The following HS6ST3 variants were observed in gnomAD, a reference collection of about 807,000 sequenced individuals.
HS6ST3 encodes heparan-sulfate 6-O-sulfotransferase 3.
In HS6ST3, 12 loss-of-function variants were observed where a neutral mutation model predicts 36.7. That is an observed-to-expected ratio of 0.33 (90% CI 0.21 to 0.53). The LOEUF (loss-of-function observed/expected upper bound fraction) is 0.53, where lower values mean the gene tolerates loss of function less well. HS6ST3 is among the 20% of genes least tolerant of loss of function. The pLI is 0.95. For missense variants in HS6ST3, 584 were observed against 640.9 expected (o/e 0.91, Z 0.96); for synonymous variants, 240 against 257.5 (o/e 0.93, Z 0.65).
intron 1 of HS6ST3, among the ~76,000 whole-genome samples, chr13:96,811,005 C>A (rs1301855612): frequency 1.3e-5 from 2 of 151,966 alleles, no homozygotes; most frequent in Admixed American, 1.3e-4. Context: ...CTCTAGAGAT[C>A]CCCCCTCCCC....
chr13:96,461,398 C>G (rs1398147903), intron 1 of HS6ST3, among the ~76,000 whole-genome samples: 1 of 152,046 alleles, frequency 6.6e-6, no homozygotes, highest in Non-Finnish European at 1.5e-5. Flanking sequence ...AATAATATTA[C>G]CTGAGCCTCT....
intron 1 of HS6ST3, among the ~76,000 whole-genome samples, chr13:96,761,119 C>CTT (rs879894476): frequency 2.1e-5 from 3 of 143,192 alleles, no homozygotes; most frequent in African/African-American, 2.5e-5. Flanking sequence ...TTTTTTTTCA[C>CTT]TTTTTTTTTT....
chr13:96,831,954 C>CA (rs35266831), intron 1 of HS6ST3, among the ~76,000 whole-genome samples: 3,006 of 21,792 alleles, frequency 0.14, 641 homozygotes, highest in Middle Eastern at 0.19. Context: ...GACTCCCTCT[C>CA]AAAAAAAAAA....
intron 1 of HS6ST3, among the ~76,000 whole-genome samples, chr13:96,417,732 T>TCACACACACACACACACACA (rs1211935095): frequency 3.6e-5 from 5 of 137,300 alleles, no homozygotes; most frequent in African/African-American, 1.4e-4. Context: ...ATAGCTTATT[T>TCACACACACACACACACACA]CACACACACA....
intron 1 of HS6ST3, among the ~76,000 whole-genome samples, chr13:96,547,970 T>C (rs1402216658): frequency 6.6e-6 from 1 of 152,158 alleles, no homozygotes; most frequent in Non-Finnish European, 1.5e-5. Flanking sequence ...ACTGTGCAGC[T>C]TTATTTAGGA....
At chr13:96,524,367 A>T (rs1594799699) in intron 1 of HS6ST3, among the ~76,000 whole-genome samples, 1 of 152,164 alleles carries the variant, frequency 6.6e-6, no homozygotes, top group Non-Finnish European at 1.5e-5. Context: ...CGAACGCTGC[A>T]CCAGGAGAAC....
At chr13:96,732,632 G>T (rs946185851) in intron 1 of HS6ST3, among the ~76,000 whole-genome samples, 1 of 151,798 alleles carries the variant, frequency 6.6e-6, no homozygotes, top group Non-Finnish European at 1.5e-5. Flanking sequence ...GCTATTCAGG[G>T]TATTTTTTGG....
At chr13:96,246,356 A>G (rs2054584987) in intron 1 of HS6ST3, among the ~76,000 whole-genome samples, 1 of 152,188 alleles carries the variant, frequency 6.6e-6, no homozygotes, top group Non-Finnish European at 1.5e-5. Context: ...AAATTAGGTT[A>G]GCTATCAAGG....
intron 1 of HS6ST3, among the ~76,000 whole-genome samples, chr13:96,464,159 A>AAAAAAAAAAAAAAAAAAAAAAC (rs2055800487): frequency 1.3e-5 from 2 of 149,762 alleles, no homozygotes; most frequent in Non-Finnish European, 3.0e-5. Flanking sequence ...AAAAAAAAAA[A>AAAAAAAAAAAAAAAAAAAAAAC]AATCAAAGAT....
At chr13:96,240,146 G>A (rs938051145) in intron 1 of HS6ST3, among the ~76,000 whole-genome samples, 3 of 152,082 alleles carry the variant, frequency 2.0e-5, no homozygotes, top group Non-Finnish European at 4.4e-5. Context: ...CCAACTATTC[G>A]TTTATGTAGC....
At chr13:96,587,036 TA>T (rs1351274645) in intron 1 of HS6ST3, among the ~76,000 whole-genome samples, 1 of 152,182 alleles carries the variant, frequency 6.6e-6, no homozygotes. Context: ...CAGCAGCATT[TA>T]TTAAGGAGAC....
At chr13:96,120,756 C>T (rs942937855) in intron 1 of HS6ST3, among the ~76,000 whole-genome samples, 5 of 152,112 alleles carry the variant, frequency 3.3e-5, no homozygotes, top group Admixed American at 2.0e-4. Context: ...GTGTAAATTT[C>T]TGTGTATGGA....
intron 1 of HS6ST3, among the ~76,000 whole-genome samples, chr13:96,177,861 A>C (rs530256879): frequency 6.6e-6 from 1 of 152,354 alleles, no homozygotes; most frequent in Admixed American, 6.5e-5. Context: ...GAGACTTATC[A>C]ACCAGTCATA....
At chr13:96,798,451 C>A in intron 1 of HS6ST3, among the ~76,000 whole-genome samples, 1 of 152,100 alleles carries the variant, frequency 6.6e-6, no homozygotes, top group South Asian at 2.1e-4. Context: ...GTCAAGTCAT[C>A]AGTGTTCAGA....
intron 1 of HS6ST3, among the ~76,000 whole-genome samples, chr13:96,690,535 A>C (rs659219): frequency 0.99 from 149,822 of 152,098 alleles, 73,828 homozygotes; most frequent in Middle Eastern, 1. Flanking sequence ...AAATAAAATC[A>C]TCTCCCGGGC....
At chr13:96,624,292 GT>G (rs1356557101) in intron 1 of HS6ST3, among the ~76,000 whole-genome samples, 3 of 151,976 alleles carry the variant, frequency 2.0e-5, no homozygotes, top group Non-Finnish European at 2.9e-5. Flanking sequence ...TCCTTCAAAG[GT>G]AACACTTCTG....
chr13:96,210,933 C>CT lies in HS6ST3; in HGVS notation c.707+119376dup, dbSNP rs139076475. On this transcript the variant is annotated intron_variant, in intron 1 of 1. Transcript: ENST00000376705. ...TTGTTATCATTTCTATGATTATTAT[C>CT]TTTTTTTTTTTTCTTGGAGACAGAG... Among the ~76,000 whole-genome samples, 119 of 142,828 alleles carry CT rather than the reference C, an allele frequency of 8.3e-4. 1 individual carries two copies. Among genetic ancestry groups the CT allele is most frequent in the Admixed American group, 2.9e-3 (42 of 14,288 alleles). 93.7% of individuals were successfully genotyped at this position (142,828 alleles called of 152,430 possible). A position where few individuals can be genotyped will look rare whatever the true frequency, so the allele number is the denominator to read the frequency against.
At chr13:96,473,718 A>G (rs1172886720) in intron 1 of HS6ST3, among the ~76,000 whole-genome samples, 1 of 152,130 alleles carries the variant, frequency 6.6e-6, no homozygotes, top group East Asian at 1.9e-4. Flanking sequence ...TGCCTTTGGA[A>G]TAGGAAGGTC....
intron 1 of HS6ST3, among the ~76,000 whole-genome samples, chr13:96,413,457 G>A (rs2055518421): frequency 6.6e-6 from 1 of 152,138 alleles, no homozygotes; most frequent in Non-Finnish European, 1.5e-5. Context: ...GAAATTGGGG[G>A]TAGAAGAAAT....
Sources: gnomAD v4.1 joint callset for allele counts (sites outside exome capture counted in the v4.1 genomes callset) on GRCh38, gnomAD v4.1.1 for gene constraint, MANE v1.5 for transcripts, NCBI Gene and HGNC (gene_info 2026-07-23, HGNC 2026-07-21) for gene names.